RBM46: variants seen among roughly 807,000 people sequenced by gnomAD.
RBM46 encodes probable RNA-binding protein 46.
A neutral mutation model predicts 43.3 loss-of-function variants in RBM46; 12 were observed. The ratio of observed to expected loss-of-function variants is 0.28; its 90% confidence interval spans 0.18 to 0.45. RBM46 has a LOEUF of 0.45. Ranked by LOEUF, RBM46 falls within the 20% of genes least tolerant of loss-of-function variation. RBM46 has a pLI of 1.00. For missense variants in RBM46, 412 were observed against 639.1 expected, an observed-to-expected ratio of 0.64 and a Z score of 3.83; for synonymous variants, 205 against 207.6, an observed-to-expected ratio of 0.99 and a Z score of 0.11.
chr4:154,801,065 G>C (rs2111144680), intron 4 of RBM46, among the ~76,000 whole-genome samples: 1 of 150,276 alleles, frequency 6.7e-6, no homozygotes, highest in African/African-American at 2.5e-5. Context: ...ACTGCAACCT[G>C]TCTCCTGGAT....
At chr4:154,816,587 G>T (rs1353289750) in intron 4 of RBM46, among the ~76,000 whole-genome samples, 1 of 151,840 alleles carries the variant, frequency 6.6e-6, no homozygotes, top group African/African-American at 2.4e-5. Flanking sequence ...ACTTATTTGT[G>T]TCAAATAGTT....
In RBM46 at chr4:154,817,333, T is replaced by C. The variant is rs983543441; in HGVS notation, c.1403-10535T>C. On this transcript the variant is annotated intron_variant, in intron 4 of 4. Coordinates refer to ENST00000281722, the MANE Select transcript of RBM46 (RefSeq NM_144979.5). ...CCATACATTTGGTTTTTCTCTTTCT[T>C]TTTTTTTTTTTTTTTTTGATGCTGA... Among the ~76,000 whole-genome samples the C allele has an allele frequency of 1.6e-4, 5 of 30,944 alleles. No homozygotes were observed. The African/African-American group carries it at 3.1e-3, about 19-fold the overall frequency. The allele number at this position is 30,944 out of a possible 152,430, so 20.3% of individuals were successfully genotyped here.
chr4:154,809,647 T>C (rs1223382362), intron 4 of RBM46, among the ~76,000 whole-genome samples: 1 of 152,126 alleles, frequency 6.6e-6, no homozygotes, highest in East Asian at 1.9e-4. Flanking sequence ...GATGTTCAGT[T>C]TCTCCTCCAC....
At chr4:154,818,941 A>C (rs1359018950) in intron 4 of RBM46, among the ~76,000 whole-genome samples, 1 of 152,054 alleles carries the variant, frequency 6.6e-6, no homozygotes, top group Non-Finnish European at 1.5e-5. Context: ...CAAAAATTTT[A>C]GTCTTTTATT....
At chr4:154,817,070 T>G (rs1560911119) in intron 4 of RBM46, among the ~76,000 whole-genome samples, 1 of 151,208 alleles carries the variant, frequency 6.6e-6, no homozygotes, top group East Asian at 1.9e-4. Context: ...TAAAATTCAT[T>G]TGTTTTTTTT....
intron 4 of RBM46, chr4:154,826,631 C>T (rs779844987): frequency 1.1e-5 from 7 of 612,908 alleles, no homozygotes; most frequent in East Asian, 2.7e-5. Context: ...TGGAACAGAT[C>T]GCTTTGTTGA....
chr4:154,785,089 GT>G (rs113960868), intron 1 of RBM46, among the ~76,000 whole-genome samples: 1 of 150,784 alleles, frequency 6.6e-6, no homozygotes, highest in Non-Finnish European at 1.5e-5. Flanking sequence ...TGAGATAAGG[GT>G]TTTTTTTTCT....
At chr4:154,827,220 TTGA>T (rs1052887898) in intron 4 of RBM46, 1 of 902,316 alleles carries the variant, frequency 1.1e-6, no homozygotes, top group Admixed American at 6.2e-5. Flanking sequence ...GTACTATAAG[TTGA>T]TAATGGTTTT....
chr4:154,826,431 T>C (rs156558), intron 4 of RBM46, among the ~76,000 whole-genome samples: 86,933 of 151,984 alleles, frequency 0.57, 27,365 homozygotes, highest in African/African-American at 0.82. Flanking sequence ...GCACCCCAGC[T>C]TGGGCAACAA....
At chr4:154,809,136 T>C (rs538063784) in intron 4 of RBM46, among the ~76,000 whole-genome samples, 6 of 152,246 alleles carry the variant, frequency 3.9e-5, no homozygotes, top group Admixed American at 1.3e-4. Flanking sequence ...CTCACTAATA[T>C]ACTAGTGTTC....
intron 1 of RBM46, among the ~76,000 whole-genome samples, chr4:154,787,928 T>C (rs1392027698): frequency 4.6e-5 from 7 of 152,234 alleles, no homozygotes; most frequent in Non-Finnish European, 7.3e-5. Context: ...ATTTCTCTGA[T>C]GGCCAGTGAT....
intron 4 of RBM46, among the ~76,000 whole-genome samples, chr4:154,823,328 AGTG>A (rs1307202141): frequency 6.6e-6 from 1 of 151,962 alleles, no homozygotes; most frequent in Non-Finnish European, 1.5e-5. Context: ...AGAATTTTAT[AGTG>A]GTGCTAGTTG....
At chr4:154,791,839 C>G (rs1197521284) in intron 1 of RBM46, among the ~76,000 whole-genome samples, 1 of 152,098 alleles carries the variant, frequency 6.6e-6, no homozygotes, top group Non-Finnish European at 1.5e-5. Context: ...TCTGAAATTA[C>G]TTTTATTAAG....
chr4:154,790,443 C>G (rs1004254178), intron 1 of RBM46: 4 of 152,188 alleles, frequency 2.6e-5, no homozygotes, highest in African/African-American at 9.7e-5. Context: ...GCTCCACTCA[C>G]TGACTTGATA....
At chr4:154,783,056 C>T (rs1733580390) in intron 1 of RBM46, among the ~76,000 whole-genome samples, 2 of 152,150 alleles carry the variant, frequency 1.3e-5, no homozygotes, top group South Asian at 4.1e-4. Flanking sequence ...TCAGGGCACA[C>T]GTTTAAAACA....
At chr4:154,826,679 TTTAA>T (rs1735978952) in intron 4 of RBM46, 1 of 783,050 alleles carries the variant, frequency 1.3e-6, no homozygotes, top group Non-Finnish European at 2.1e-6. Flanking sequence ...ATAAAATTAG[TTTAA>T]TTAGAGTTTT....
At chr4:154,786,866 G>A (rs1440295839) in intron 1 of RBM46, among the ~76,000 whole-genome samples, 3 of 152,198 alleles carry the variant, frequency 2.0e-5, no homozygotes, top group African/African-American at 7.2e-5. Flanking sequence ...GGTGGAGGTT[G>A]CAGTGAGCCA....
chr4:154,799,189 A>G lies in RBM46; in HGVS notation c.1027A>G (p.Thr343Ala). 1 of 1,613,842 alleles carries G rather than the reference A, an allele frequency of 6.2e-7. No individual in the cohort carries two copies. Among genetic ancestry groups the G allele is most frequent in the Non-Finnish European group, 8.5e-7 (1 of 1,179,986 alleles). Reference sequence around the variant, plus strand: ...TAACAAAGAAGAGAGCCACCCAAAAACTCTAGGCAAGCTGCCAACTCTTCC... The same window carrying G: ...TAACAAAGAAGAGAGCCACCCAAAAGCTCTAGGCAAGCTGCCAACTCTTCC... ...FANKEESHPKTLGKLPTLPAR... is the reference protein window; with the variant it reads ...FANKEESHPKALGKLPTLPAR... Residue 343 changes from threonine (T) to alanine (A), a missense_variant, in exon 4 of 5, where the codon ACT becomes GCT. Thr to Ala is a moderately conservative substitution (Grantham distance 58, BLOSUM62 0). Coordinates refer to ENST00000281722, the MANE Select transcript of RBM46 (RefSeq NM_144979.5).
intron 1 of RBM46, among the ~76,000 whole-genome samples, chr4:154,793,778 G>A (rs564844670): frequency 6.6e-6 from 1 of 152,296 alleles, no homozygotes; most frequent in African/African-American, 2.4e-5. Flanking sequence ...TAGTTTGCTG[G>A]AGTTTAGTAG....
Sources: gnomAD v4.1 joint callset for allele counts (sites outside exome capture counted in the v4.1 genomes callset) on GRCh38, gnomAD v4.1.1 for gene constraint, MANE v1.5 for transcripts, NCBI Gene and HGNC (gene_info 2026-07-23, HGNC 2026-07-21) for gene names.